The following PORCN variants were observed in gnomAD, a reference collection of about 807,000 sequenced individuals.
The protein encoded by PORCN is protein-serine O-palmitoleoyltransferase porcupine.
Under a neutral mutation model 43.0 loss-of-function variants are expected in PORCN, and 1 was observed. The ratio of observed to expected loss-of-function variants is 0.02; its 90% CI spans 0.01 to 0.11. The LOEUF is 0.11. Ranked by LOEUF, PORCN falls within the 10% of genes least tolerant of loss-of-function variation. The pLI, the probability that PORCN is intolerant of heterozygous loss-of-function variation, is 1.00. For synonymous variants in PORCN, 148 were observed against 166.4 expected (o/e 0.89, Z 0.85); for missense variants, 240 against 392.1 (o/e 0.61, Z 3.28).
rs1556974846 is a variant in PORCN at position 48,514,645 on chromosome X, C to T, written c.946+20C>T. 2 of 1,135,302 alleles carry T rather than the reference C, an allele frequency of 1.8e-6. No individual in the cohort carries two copies. Among genetic ancestry groups the T allele is most frequent in the Non-Finnish European group, 2.4e-6 (2 of 825,639 alleles). 93.6% of individuals were successfully genotyped at this position (1,135,302 alleles called of 1,213,427 possible). Reference sequence around the variant, plus strand: ...ATAACTGTGAGTCACCAAGTCACCACTCCAGCTGTGTTGGTAATCCAGGCC... The same window carrying T: ...ATAACTGTGAGTCACCAAGTCACCATTCCAGCTGTGTTGGTAATCCAGGCC... On this transcript the variant is annotated intron_variant, in intron 10 of 14. Transcript: ENST00000326194.
At chrX:48,516,173 T>C in intron 13 of PORCN, 27 bp downstream of exon 13, 3 of 1,159,216 alleles carry the variant, frequency 2.6e-6, no homozygotes, top group Non-Finnish European at 3.5e-6. Flanking sequence ...GGCAACCTTG[T>C]GCCCAACACT....
rs1238915602 is a variant in PORCN, at chrX:48,511,592, C to T, written c.329+105C>T. 40 of 752,738 alleles carry T rather than the reference C, an allele frequency of 5.3e-5. No individual in the cohort carries two copies. In the Admixed American group the frequency reaches 7.8e-4, roughly 15 times the overall value. The allele number at this position is 752,738 out of a possible 1,213,427, so 62.0% of individuals were successfully genotyped here. A position where few individuals can be genotyped will look rare whatever the true frequency, so the allele number is the denominator to read the frequency against. ...AGACAGGGAGGGTGGTGAGATTCCC[C>T]GGAGAAAGAAGGGAGTCTGGGAGAA... On this transcript the variant is annotated intron_variant, in intron 3 of 14. Coordinates refer to ENST00000326194, the MANE Select transcript of PORCN (RefSeq NM_203475.3).
intron 10 of PORCN, among the ~76,000 whole-genome samples, chrX:48,515,133 C>G (rs2061706515): frequency 8.9e-6 from 1 of 112,340 alleles, no homozygotes; most frequent in African/African-American, 3.2e-5. Context: ...CAGTGGCAGG[C>G]GGTGAGGTCA....
chrX:48,517,556 G>A (rs782147396), intron 14 of PORCN, among the ~76,000 whole-genome samples: 10 of 112,294 alleles, frequency 8.9e-5, no homozygotes, highest in East Asian at 2.8e-4. Flanking sequence ...GCTGGCTCAC[G>A]CCTACAATCC....
rs781878877 is a variant in PORCN, at chrX:48,516,054, A to G, written c.1088-7A>G. Reference sequence around the variant, plus strand: ...CCTGACCCCCTTACCTCTCCCCACCACCCTAGTCCTCCGGAAGCGCCTGGC... The same window carrying G: ...CCTGACCCCCTTACCTCTCCCCACCGCCCTAGTCCTCCGGAAGCGCCTGGC... On this transcript the variant is annotated splice_polypyrimidine_tract_variant and splice_region_variant and intron_variant, in intron 12 of 14. Coordinates refer to ENST00000326194, the MANE Select transcript of PORCN (RefSeq NM_203475.3). The G allele has an allele frequency of 8.3e-7, 1 of 1,208,421 alleles. No homozygotes were observed. The highest frequency in any genetic ancestry group is 1.8e-5 in the African/African-American group (1 of 56,774).
chrX:48,515,493 G>C, intron 10 of PORCN: 2 of 446,743 alleles, frequency 4.5e-6, no homozygotes, highest in Admixed American at 3.7e-5. Context: ...TTTGCCCTGA[G>C]GAACTGGAAA....
intron 13 of PORCN, 71 bp downstream of exon 13, chrX:48,516,217 G>T: frequency 9.9e-7 from 1 of 1,012,860 alleles, no homozygotes; most frequent in Non-Finnish European, 1.4e-6. Context: ...TCTCTATCTT[G>T]TATGTGTCTC....
intron 14 of PORCN, among the ~76,000 whole-genome samples, chrX:48,519,793 C>T (rs2061746015): frequency 8.9e-6 from 1 of 111,952 alleles, no homozygotes; most frequent in Non-Finnish European, 1.9e-5. Context: ...GTCAGGAGTT[C>T]GAGACCAGCC....
chrX:48,520,533 G>C lies in PORCN; in HGVS notation c.*57G>C. 1 of 911,766 alleles carries C rather than the reference G, an allele frequency of 1.1e-6. No individual in the cohort carries two copies. The highest frequency in any genetic ancestry group is 1.6e-6 in the Non-Finnish European group (1 of 625,077). 75.1% of individuals were successfully genotyped at this position (911,766 alleles called of 1,213,427 possible). A position where few individuals can be genotyped will look rare whatever the true frequency, so the allele number is the denominator to read the frequency against. ...AGACCCCTCTCAGGGTGCCACTGAT[G>C]GGGGATGAGGGAAGGCCCTCTCTCT... On this transcript the variant is annotated 3_prime_UTR_variant, in exon 15 of 15. Transcript: ENST00000326194.
chrX:48,511,480 C>A lies in PORCN; in HGVS notation c.322C>A (p.Leu108Ile), dbSNP rs1441752339. 1 of 1,205,250 alleles carries A rather than the reference C, an allele frequency of 8.3e-7. No homozygotes were observed. The highest frequency in any genetic ancestry group is 1.1e-6 in the Non-Finnish European group (1 of 891,061). ...ATCCGTCACCATCCTCATCTACCTA[C>A]TCATGGGGTATGAGTATGCATCCTT... ...FLSVTILIYL[L>I]MGEMHMVDTV... is the part of the protein sequence containing the mutation. The change falls in exon 3 of 15, where the codon CTC becomes ATC. Residue 108 changes from leucine to isoleucine, a missense_variant. By Grantham distance (5) the Leu-to-Ile change is conservative (BLOSUM62 2). Transcript: ENST00000326194.
chrX:48,517,315 T>C, intron 14 of PORCN, 22 bp downstream of exon 14: 1 of 1,069,141 alleles, frequency 9.4e-7, no homozygotes, highest in Non-Finnish European at 1.3e-6. Flanking sequence ...CCCTGGGCTG[T>C]GTGGTTAACC....
At chrX:48,510,075 G>A in intron 2 of PORCN, 119 bp downstream of exon 2, 1 of 583,466 alleles carries the variant, frequency 1.7e-6, no homozygotes, top group Non-Finnish European at 2.8e-6. Context: ...TGTCCAAGCT[G>A]GACCCCAACA....
chrX:48,513,069 G>A (rs1427991225), intron 7 of PORCN, among the ~76,000 whole-genome samples: 1 of 112,564 alleles, frequency 8.9e-6, no homozygotes, highest in Non-Finnish European at 1.9e-5. Flanking sequence ...CATCTGTTCA[G>A]CTGTCTCGCT....
chrX:48,516,070 A>G lies in PORCN; in HGVS notation c.1097A>G (p.Lys366Arg). ...CTCCCCACCACCCTAGTCCTCCGGAAGCGCCTGGCTCGGATCCTCAGTGCC... is the reference window on the plus strand; with the variant it reads ...CTCCCCACCACCCTAGTCCTCCGGAGGCGCCTGGCTCGGATCCTCAGTGCC... Reference protein sequence around the residue: ...FITYVEHVLRKRLARILSACV... With the variant: ...FITYVEHVLRRRLARILSACV... Residue 366 changes from lysine (K) to arginine (R), a missense_variant, in exon 13 of 15, where the codon AAG becomes AGG. Lys to Arg is a conservative substitution (Grantham distance 26). Transcript: ENST00000326194. 8.3e-7 allele frequency: 1 copy of G among 1,211,680 alleles called. No homozygotes were observed. The highest frequency in any genetic ancestry group is 1.1e-6 in the Non-Finnish European group (1 of 895,390).
At chrX:48,515,637 A>T in intron 10 of PORCN, 80 bp from the exon 11 acceptor site, 10 of 810,584 alleles carry the variant, frequency 1.2e-5, no homozygotes, top group Non-Finnish European at 1.9e-5. Flanking sequence ...GGTTGTGGGT[A>T]TTCTCATCCT....
In PORCN at chrX:48,514,521, C is replaced by T; in HGVS notation, c.846-4C>T. On this transcript the variant is annotated splice_region_variant and splice_polypyrimidine_tract_variant and intron_variant, in intron 9 of 14. Transcript: ENST00000326194. The stretch of plus-strand genomic sequence containing the variant: ...ATGGATTTGCATATCTCTTCTGCCC[C>T]CAGGGACCTGACGGTGTCCAAGCCA... The T allele has an allele frequency of 8.3e-7, 1 of 1,208,808 alleles. No homozygotes were observed. Among genetic ancestry groups the T allele is most frequent in the South Asian group, 1.8e-5 (1 of 56,904 alleles).
chrX:48,520,290 G>A (rs1448733481), intron 14 of PORCN, 85 bp from the exon 15 acceptor site: 2 of 753,542 alleles, frequency 2.7e-6, no homozygotes, highest in African/African-American at 4.1e-5. Context: ...AGCAGTCACA[G>A]AAATGTCCTT....
At chrX:48,516,212 A>C in intron 13 of PORCN, 66 bp downstream of exon 13, 2 of 1,018,818 alleles carry the variant, frequency 2.0e-6, no homozygotes, top group South Asian at 2.0e-5. Context: ...TTCTATCTCT[A>C]TCTTGTATGT....
chrX:48,512,633 C>G lies in PORCN; in HGVS notation c.600C>G (p.Ala200=). The change falls in exon 6 of 15, where the codon GCC becomes GCG. Residue 200 remains alanine, a synonymous_variant. Coordinates refer to ENST00000326194, the MANE Select transcript of PORCN (RefSeq NM_203475.3). ...AGGTGGCCCGGAGCCTGGCACTGGC[C>G]CTGCTGTGCCTTGTGCTGTCCACTT... is the stretch of plus-strand genomic sequence containing the variant. ...LQKVARSLAL[A]LLCLVLSTCV... 1 of 1,210,661 alleles carries G rather than the reference C, an allele frequency of 8.3e-7. No individual in the cohort carries two copies. Among genetic ancestry groups the G allele is most frequent in the Non-Finnish European group, 1.1e-6 (1 of 894,941 alleles).
Sources: allele counts gnomAD v4.1 joint callset (sites outside exome capture counted in the v4.1 genomes callset), GRCh38; gene constraint gnomAD v4.1.1; transcripts MANE v1.5; gene names NCBI Gene and HGNC (gene_info 2026-07-23, HGNC 2026-07-21).